The following POC1B variants were observed in gnomAD, a reference collection of about 807,000 sequenced individuals.
POC1B encodes POC1 centriolar protein homolog B.
A neutral mutation model predicts 60.6 loss-of-function variants in POC1B; 44 were observed. The observed-to-expected ratio is 0.73, with a 90% CI of 0.57 to 0.93. The LOEUF (loss-of-function observed/expected upper bound fraction) is 0.93. POC1B is among the 40% of genes least tolerant of loss of function. The pLI is 0.00. For missense variants in POC1B, 555 were observed against 572.3 expected (o/e 0.97, Z 0.31); for synonymous variants, 180 against 198.9 (o/e 0.90, Z 0.80).
Position 89,489,581 on chromosome 12 carries a change from G to A in POC1B, c.452+2355C>T, listed in dbSNP as rs372244267. ...TAATCAACATCTCCTGAGCAATAATGTCCCACAGAGACCATAACGACAGTG... is the reference window on the plus strand; with the variant it reads ...TAATCAACATCTCCTGAGCAATAATATCCCACAGAGACCATAACGACAGTG... On this transcript the variant is annotated intron_variant, in intron 4 of 11. Coordinates refer to ENST00000313546, the MANE Select transcript of POC1B (RefSeq NM_172240.3). Among the ~76,000 whole-genome samples the A allele has an allele frequency of 1.4e-4, 22 of 152,262 alleles. No individual in the cohort carries two copies. In the East Asian group the frequency reaches 2.9e-3, roughly 20 times the overall value.
intron 11 of POC1B, 84 bp downstream of exon 11, chr12:89,425,077 G>T: frequency 7.2e-7 from 1 of 1,381,336 alleles, no homozygotes; most frequent in Non-Finnish European, 1.0e-6. Flanking sequence ...CCCCTGCTCT[G>T]CTAGTTCTGC....
intron 2 of POC1B, among the ~76,000 whole-genome samples, chr12:89,508,813 C>T (rs1317307824): frequency 2.0e-5 from 3 of 152,224 alleles, no homozygotes; most frequent in Non-Finnish European, 4.4e-5. Context: ...CTTTGCTCTG[C>T]ACTTGTCTCT....
intron 2 of POC1B, chr12:89,521,098 A>ATTTTTTTT (rs201411448): frequency 1.8e-5 from 2 of 113,276 alleles, no homozygotes. Flanking sequence ...CAGCTCACTT[A>ATTTTTTTT]TTTTATTATT....
In POC1B at chr12:89,439,621, T is replaced by A. The variant is rs942191413; in HGVS notation, c.1114-14242A>T. Among the ~76,000 whole-genome samples, 75 of 152,310 alleles carry A rather than the reference T, an allele frequency of 4.9e-4. 1 individual carries two copies. Among genetic ancestry groups the A allele is most frequent in the African/African-American group, 1.8e-3 (74 of 41,562 alleles). On this transcript the variant is annotated intron_variant, in intron 10 of 11. Coordinates refer to ENST00000313546, the MANE Select transcript of POC1B (RefSeq NM_172240.3). The stretch of plus-strand genomic sequence containing the variant: ...TTATTTTGTTTTATTTATTTATTTT[T>A]TGAGACAGAGTCTCACTCTATTGCC...
chr12:89,500,247 G>A lies in POC1B; in HGVS notation c.101-2905C>T, dbSNP rs1259719694. 6.4e-6 allele frequency: 10 copies of A among 1,564,274 alleles called. No homozygotes were observed. The Admixed American group carries it at 1.1e-4, about 17-fold the overall frequency. Reference sequence around the variant, plus strand: ...GAAAAAAGTCTTGCCAATGATTTTAGCACAAATTCTACAAAATCAGTGCTT... The same window carrying A: ...GAAAAAAGTCTTGCCAATGATTTTAACACAAATTCTACAAAATCAGTGCTT... On this transcript the variant is annotated intron_variant, in intron 2 of 11. Transcript: ENST00000313546.
In POC1B at chr12:89,421,065, A is replaced by G. The variant is rs1280100805; in HGVS notation, c.*88T>C. ...GATAAATAGCACATGGTTGTGTTGT[A>G]TGGAGTATCTTGTACTACCTTCCTG... On this transcript the variant is annotated 3_prime_UTR_variant, in exon 12 of 12. Coordinates refer to ENST00000313546, the MANE Select transcript of POC1B (RefSeq NM_172240.3). 1.0e-6 allele frequency: 1 copy of G among 969,536 alleles called. No homozygotes were observed. Among genetic ancestry groups the G allele is most frequent in the African/African-American group, 1.6e-5 (1 of 62,114 alleles). 60.1% of individuals were successfully genotyped at this position (969,536 alleles called of 1,614,324 possible).
chr12:89,411,351 G>A, the POC1B span, among the ~76,000 whole-genome samples: 1 of 152,126 alleles, frequency 6.6e-6, no homozygotes, highest in Non-Finnish European at 1.5e-5. Context: ...GAGGCATCAC[G>A]CTGCCTAGAA....
intron 10 of POC1B, among the ~76,000 whole-genome samples, chr12:89,433,592 C>T (rs1201635417): frequency 6.6e-6 from 1 of 152,112 alleles, no homozygotes; most frequent in Non-Finnish European, 1.5e-5. Flanking sequence ...GTAAAGGAGG[C>T]CCAGACACAG....
Position 89,421,088 on chromosome 12 carries a change from C to A in POC1B, c.*65G>T. 1 of 1,259,800 alleles carries A rather than the reference C, an allele frequency of 7.9e-7. No homozygotes were observed. Among genetic ancestry groups the A allele is most frequent in the South Asian group, 1.3e-5 (1 of 75,300 alleles). The allele number at this position is 1,259,800 out of a possible 1,614,324, so 78.0% of individuals were successfully genotyped here. On this transcript the variant is annotated 3_prime_UTR_variant, in exon 12 of 12. Transcript: ENST00000313546. ...GTATGGAGTATCTTGTACTACCTTCCTGAGTGTATGTACATTTGTTCATTT... is the reference window on the plus strand; with the variant it reads ...GTATGGAGTATCTTGTACTACCTTCATGAGTGTATGTACATTTGTTCATTT...
At chr12:89,462,359 G>A (rs1882513535) in intron 9 of POC1B, among the ~76,000 whole-genome samples, 2 of 152,116 alleles carry the variant, frequency 1.3e-5, no homozygotes. Flanking sequence ...CCTATGAGAG[G>A]CCAAGTTCTC....
chr12:89,413,874 G>GTTTATTTA, the POC1B span, among the ~76,000 whole-genome samples: 255 of 151,764 alleles, frequency 1.7e-3, no homozygotes, highest in African/African-American at 5.9e-3. Flanking sequence ...TTATTTATTT[G>GTTTATTTA]TTTATTTATT....
chr12:89,508,751 A>G (rs1161694949), intron 2 of POC1B, among the ~76,000 whole-genome samples: 1 of 152,176 alleles, frequency 6.6e-6, no homozygotes, highest in Non-Finnish European at 1.5e-5. Flanking sequence ...TGTTCTCATG[A>G]TAGTGAGTGA....
At chr12:89,525,003 T>C in intron 2 of POC1B, 117 bp downstream of exon 2, 1 of 1,469,152 alleles carries the variant, frequency 6.8e-7, no homozygotes, top group Non-Finnish European at 9.3e-7. Flanking sequence ...CCGGGTGCTC[T>C]CAACCCTCAT....
chr12:89,492,179 A>G, intron 3 of POC1B, 64 bp from the exon 4 acceptor site: 1 of 1,241,778 alleles, frequency 8.1e-7, no homozygotes, highest in Non-Finnish European at 1.1e-6. Context: ...ACTTAATCAC[A>G]ATACAGACTT....
At chr12:89,445,039 C>A (rs1414792482) in intron 10 of POC1B, among the ~76,000 whole-genome samples, 1 of 152,084 alleles carries the variant, frequency 6.6e-6, no homozygotes, top group East Asian at 1.9e-4. Context: ...CTTAGGAATC[C>A]AACTTACAAG....
chr12:89,459,759 C>T (rs756341660), intron 9 of POC1B, 41 bp from the exon 10 acceptor site: 1 of 1,139,320 alleles, frequency 8.8e-7, no homozygotes, highest in South Asian at 1.9e-5. Flanking sequence ...ATTTTCATAC[C>T]ATAAGAAACC....
At chr12:89,452,004 T>A (rs568148808) in intron 10 of POC1B, among the ~76,000 whole-genome samples, 2 of 152,318 alleles carry the variant, frequency 1.3e-5, no homozygotes, top group South Asian at 2.1e-4. Flanking sequence ...TTCAGGGAGC[T>A]ACGGTAGTAA....
chr12:89,503,052 T>A (rs924997117), intron 2 of POC1B, among the ~76,000 whole-genome samples: 49 of 151,548 alleles, frequency 3.2e-4, no homozygotes, highest in Admixed American at 2.8e-3. Flanking sequence ...AATAAAAAAA[T>A]TATTCATTTT....
At chr12:89,508,693 C>T (rs924668678) in intron 2 of POC1B, among the ~76,000 whole-genome samples, 59 of 152,004 alleles carry the variant, frequency 3.9e-4, no homozygotes, top group African/African-American at 1.4e-3. Flanking sequence ...AATTATAATC[C>T]ATGTGTTGGG....
Sources: allele counts gnomAD v4.1 joint callset (sites outside exome capture counted in the v4.1 genomes callset), GRCh38; gene constraint gnomAD v4.1.1; transcripts MANE v1.5; gene names NCBI Gene and HGNC (gene_info 2026-07-23, HGNC 2026-07-21).